Variants in NDFIP2 observed in about 807,000 individuals in gnomAD.
NDFIP2 encodes NEDD4 family-interacting protein 2.
In NDFIP2, 19 loss-of-function variants were observed where a neutral mutation model predicts 36.0. That is an observed-to-expected ratio of 0.53 (90% CI 0.37 to 0.77). The LOEUF (loss-of-function observed/expected upper bound fraction) is 0.77, where lower values mean the gene tolerates loss of function less well. Ranked by LOEUF, NDFIP2 falls within the 30% of genes least tolerant of loss-of-function variation. The probability of loss-of-function intolerance (pLI) is 0.00; values close to 1 mark genes in which losing one functional copy is unlikely to be tolerated. For synonymous variants in NDFIP2, 181 were observed against 167.7 expected (o/e 1.08, Z -0.61); for missense variants, 446 against 435.8 (o/e 1.02, Z -0.21).
chr13:79,482,381 T>A (rs2079820493), intron 1 of NDFIP2, among the ~76,000 whole-genome samples: 1 of 152,150 alleles, frequency 6.6e-6, no homozygotes, highest in African/African-American at 2.4e-5. Flanking sequence ...CTTTGTGTAT[T>A]CTGGTGGTGA....
At chr13:79,524,805 C>T (rs1404754696) in intron 2 of NDFIP2, among the ~76,000 whole-genome samples, 1 of 152,170 alleles carries the variant, frequency 6.6e-6, no homozygotes, top group African/African-American at 2.4e-5. Context: ...GGATTCTTCA[C>T]TTTGTACACT....
chr13:79,552,181 T>C (rs1875934371), intron 7 of NDFIP2, among the ~76,000 whole-genome samples: 1 of 151,408 alleles, frequency 6.6e-6, no homozygotes, highest in African/African-American at 2.4e-5. Flanking sequence ...AGTCGCTTTT[T>C]TATTTTAACA....
chr13:79,514,703 A>G (rs1874209462), intron 1 of NDFIP2, among the ~76,000 whole-genome samples: 1 of 152,218 alleles, frequency 6.6e-6, no homozygotes, highest in South Asian at 2.1e-4. Flanking sequence ...GCTTAGTGTT[A>G]TTTAAAGCAA....
chr13:79,537,360 C>T (rs1178432111), intron 3 of NDFIP2, among the ~76,000 whole-genome samples: 1 of 152,110 alleles, frequency 6.6e-6, no homozygotes, highest in African/African-American at 2.4e-5. Context: ...ATCCACCCAC[C>T]TCGGCCTCCC....
At chr13:79,511,555 G>A (rs1244255796) in intron 1 of NDFIP2, among the ~76,000 whole-genome samples, 1 of 152,158 alleles carries the variant, frequency 6.6e-6, no homozygotes, top group East Asian at 1.9e-4. Flanking sequence ...AAAGCACTGT[G>A]GGAATCATAG....
intron 1 of NDFIP2, among the ~76,000 whole-genome samples, chr13:79,508,933 C>T (rs1873971183): frequency 6.6e-6 from 1 of 152,202 alleles, no homozygotes; most frequent in African/African-American, 2.4e-5. Context: ...TGCAGTTTTA[C>T]TTCCTTCATT....
chr13:79,507,282 T>G lies in NDFIP2; in HGVS notation c.322-13528T>G, dbSNP rs371077211. 8.6e-3 allele frequency among the ~76,000 whole-genome samples: 150 copies of G among 17,510 alleles called. 4 individuals carry two copies. The highest frequency in any genetic ancestry group is 0.036 in the Middle Eastern group (1 of 28). The allele number at this position is 17,510 out of a possible 152,430, so 11.5% of individuals were successfully genotyped here. On this transcript the variant is annotated intron_variant, in intron 1 of 7. Coordinates refer to ENST00000218652, the MANE Select transcript of NDFIP2 (RefSeq NM_019080.3). ...TTCTGATTGAGTTTTTTTTTTTTTTTTTTTTTTTTGAGACGGAGTCTCGCT... is the reference window on the plus strand; with the variant it reads ...TTCTGATTGAGTTTTTTTTTTTTTTGTTTTTTTTTGAGACGGAGTCTCGCT...
intron 1 of NDFIP2, among the ~76,000 whole-genome samples, chr13:79,513,875 A>G (rs1292223681): frequency 6.6e-6 from 1 of 152,152 alleles, no homozygotes; most frequent in Admixed American, 6.5e-5. Context: ...TGAAGAGAGT[A>G]TGTTTTTGTT....
At chr13:79,482,732 A>T (rs1214979956) in intron 1 of NDFIP2, among the ~76,000 whole-genome samples, 2 of 152,232 alleles carry the variant, frequency 1.3e-5, no homozygotes, top group Admixed American at 1.3e-4. Flanking sequence ...TTTCTAAGAT[A>T]AAAGCTCATG....
intron 5 of NDFIP2, 137 bp downstream of exon 5, chr13:79,543,819 C>A: frequency 9.3e-7 from 1 of 1,077,236 alleles, no homozygotes; most frequent in Non-Finnish European, 1.3e-6. Flanking sequence ...TATACTTAAT[C>A]ATTATAGTGA....
At chr13:79,494,684 C>T (rs760487997) in intron 1 of NDFIP2, among the ~76,000 whole-genome samples, 10 of 151,888 alleles carry the variant, frequency 6.6e-5, no homozygotes, top group Non-Finnish European at 1.3e-4. Context: ...GTTTGTCGCA[C>T]TCTAAGTCTT....
chr13:79,514,649 G>A (rs1280734880), intron 1 of NDFIP2, among the ~76,000 whole-genome samples: 4 of 152,302 alleles, frequency 2.6e-5, no homozygotes, highest in Non-Finnish European at 4.4e-5. Flanking sequence ...GAGGAAAATA[G>A]TTGAACATAT....
chr13:79,498,034 C>T (rs1214354725), intron 1 of NDFIP2, among the ~76,000 whole-genome samples: 3 of 151,164 alleles, frequency 2.0e-5, no homozygotes, highest in East Asian at 3.9e-4. Context: ...TGTGTGTATG[C>T]GTGTGTTTGA....
intron 1 of NDFIP2, among the ~76,000 whole-genome samples, chr13:79,503,186 A>G (rs1423137988): frequency 6.6e-6 from 1 of 152,154 alleles, no homozygotes; most frequent in African/African-American, 2.4e-5. Flanking sequence ...TCTCATGGTT[A>G]GAAGTGGAGA....
chr13:79,493,172 G>C (rs1224007957), intron 1 of NDFIP2, among the ~76,000 whole-genome samples: 1 of 152,090 alleles, frequency 6.6e-6, no homozygotes, highest in Non-Finnish European at 1.5e-5. Flanking sequence ...CCTGTTATAG[G>C]TGCAAAATAA....
chr13:79,494,666 T>C lies in NDFIP2; in HGVS notation c.321+13142T>C, dbSNP rs142435975. On this transcript the variant is annotated intron_variant, in intron 1 of 7. Transcript: ENST00000218652. The stretch of plus-strand genomic sequence containing the variant: ...GAGACTTTTCCCTGTAGATGTGTTA[T>C]ATTTCCTGTTTGTCGCACTCTAAGT... 5.0e-3 allele frequency among the ~76,000 whole-genome samples: 768 copies of C among 152,130 alleles called. 4 individuals carry two copies. The highest frequency in any genetic ancestry group is 0.017 in the African/African-American group (716 of 41,562).
chr13:79,494,337 C>A (rs1421936754), intron 1 of NDFIP2, among the ~76,000 whole-genome samples: 1 of 152,022 alleles, frequency 6.6e-6, no homozygotes, highest in Non-Finnish European at 1.5e-5. Context: ...AAATCAGTGA[C>A]AAGTATTTAC....
chr13:79,517,762 T>C (rs1435010540), intron 1 of NDFIP2, among the ~76,000 whole-genome samples: 1 of 152,238 alleles, frequency 6.6e-6, no homozygotes, highest in Non-Finnish European at 1.5e-5. Context: ...TTTGTAGTTA[T>C]TCCTTTCATT....
intron 4 of NDFIP2, 38 bp from the exon 5 acceptor site, chr13:79,543,520 A>C: frequency 2.5e-6 from 4 of 1,610,940 alleles, no homozygotes; most frequent in Non-Finnish European, 3.4e-6. Context: ...TTGTTTCCAA[A>C]TTGTGGTTTA....
Sources: gnomAD v4.1 joint callset for allele counts (sites outside exome capture counted in the v4.1 genomes callset) on GRCh38, gnomAD v4.1.1 for gene constraint, MANE v1.5 for transcripts, NCBI Gene and HGNC (gene_info 2026-07-23, HGNC 2026-07-21) for gene names.